The following CYTH3 variants were observed in gnomAD, a reference collection of about 807,000 sequenced individuals.
CYTH3 encodes the protein cytohesin-3.
CYTH3 carries 23 observed loss-of-function variants against 55.1 expected under a neutral mutation model. That is an observed-to-expected ratio of 0.42 (90% CI 0.30 to 0.59). The LOEUF (loss-of-function observed/expected upper bound fraction) is 0.59. Ranked by LOEUF, CYTH3 falls within the 20% of genes least tolerant of loss-of-function variation. The probability of loss-of-function intolerance (pLI) is 0.20; values close to 1 mark genes in which losing one functional copy is unlikely to be tolerated. For synonymous variants in CYTH3, 249 were observed against 194.9 expected, an observed-to-expected ratio of 1.28 and a Z score of -2.31; for missense variants, 413 against 524.8, an observed-to-expected ratio of 0.79 and a Z score of 2.08.
At chr7:6,173,096 A>G in intron 6 of CYTH3, 1 of 1,019,698 alleles carries the variant, frequency 9.8e-7, no homozygotes, top group Non-Finnish European at 1.2e-6. Flanking sequence ...CAAGGCCCAG[A>G]ACAGATGAAG....
At chr7:6,230,792 T>C (rs569812832) in intron 1 of CYTH3, among the ~76,000 whole-genome samples, 3 of 152,276 alleles carry the variant, frequency 2.0e-5, no homozygotes, top group South Asian at 2.1e-4. Context: ...GTACATAAAA[T>C]CCCGTATTTT....
intron 9 of CYTH3, among the ~76,000 whole-genome samples, chr7:6,168,270 A>C (rs962309312): frequency 6.7e-6 from 1 of 150,244 alleles, no homozygotes; most frequent in African/African-American, 2.5e-5. Context: ...CGAAGTCTTA[A>C]GTTACCAACA....
At chr7:6,203,332 A>G (rs1351277849) in intron 1 of CYTH3, among the ~76,000 whole-genome samples, 1 of 152,230 alleles carries the variant, frequency 6.6e-6, no homozygotes, top group Non-Finnish European at 1.5e-5. Flanking sequence ...ACATTTACAT[A>G]TCATTGCCTC....
chr7:6,172,874 G>A, intron 6 of CYTH3: 1 of 1,256,486 alleles, frequency 8.0e-7, no homozygotes, highest in Non-Finnish European at 1.0e-6. Flanking sequence ...CATCACGAGG[G>A]TCCCACAAAA....
chr7:6,227,760 G>A (rs993906024), intron 1 of CYTH3, among the ~76,000 whole-genome samples: 1 of 152,230 alleles, frequency 6.6e-6, no homozygotes, highest in Non-Finnish European at 1.5e-5. Flanking sequence ...CTCTGTGCAT[G>A]TTCCAGGCCA....
intron 1 of CYTH3, among the ~76,000 whole-genome samples, chr7:6,200,696 G>C (rs183083955): frequency 6.2e-4 from 95 of 152,296 alleles, no homozygotes; most frequent in African/African-American, 2.2e-3. Context: ...ACTCTACATG[G>C]AGCCGTGGTT....
chr7:6,241,330 C>A (rs796970543), intron 1 of CYTH3, among the ~76,000 whole-genome samples: 9 of 152,250 alleles, frequency 5.9e-5, no homozygotes, highest in African/African-American at 2.2e-4. Context: ...GATAAATGGG[C>A]ATATAACCAG....
chr7:6,258,891 T>C (rs769555945), intron 1 of CYTH3, among the ~76,000 whole-genome samples: 3 of 152,216 alleles, frequency 2.0e-5, no homozygotes, highest in Non-Finnish European at 4.4e-5. Flanking sequence ...AAATTGTGGT[T>C]TTACAGAATC....
chr7:6,189,259 T>C (rs1476486783), intron 2 of CYTH3, among the ~76,000 whole-genome samples: 2 of 152,140 alleles, frequency 1.3e-5, no homozygotes, highest in African/African-American at 2.4e-5. Flanking sequence ...CTGAGTAAAG[T>C]ACACAAGTGT....
chr7:6,198,281 C>T (rs747558233), intron 1 of CYTH3, among the ~76,000 whole-genome samples: 66 of 152,156 alleles, frequency 4.3e-4, no homozygotes, highest in Non-Finnish European at 8.2e-4. Context: ...CCAGTCTCTG[C>T]GGAGCTTCTA....
chr7:6,234,359 GA>G (rs779038527), intron 1 of CYTH3, among the ~76,000 whole-genome samples: 6 of 152,192 alleles, frequency 3.9e-5, no homozygotes, highest in Non-Finnish European at 5.9e-5. Context: ...GCCTTCCCAA[GA>G]ATTGAAAACT....
At chr7:6,215,318 C>A (rs541098318) in intron 1 of CYTH3, among the ~76,000 whole-genome samples, 3 of 152,122 alleles carry the variant, frequency 2.0e-5, no homozygotes, top group African/African-American at 7.2e-5. Context: ...AGGCCAGGTG[C>A]GGTGGCTCAC....
chr7:6,246,673 C>T (rs1779827533), intron 1 of CYTH3, among the ~76,000 whole-genome samples: 1 of 149,726 alleles, frequency 6.7e-6, no homozygotes, highest in Non-Finnish European at 1.5e-5. Flanking sequence ...ACAGTCCCTG[C>T]CCCACCCCCA....
chr7:6,179,674 C>G (rs1783433157), intron 4 of CYTH3, among the ~76,000 whole-genome samples: 1 of 102,858 alleles, frequency 9.7e-6, no homozygotes, highest in Non-Finnish European at 1.9e-5. Context: ...CCCACACACA[C>G]ACCACACACA....
chr7:6,165,222 C>T lies in CYTH3; in HGVS notation c.1127+51G>A, dbSNP rs1319562424. 3 of 1,581,072 alleles carry T rather than the reference C, an allele frequency of 1.9e-6. No individual in the cohort carries two copies. In the South Asian group the frequency reaches 3.5e-5, roughly 18 times the overall value. On this transcript the variant is annotated intron_variant, in intron 12 of 12. Transcript: ENST00000350796. The stretch of plus-strand genomic sequence containing the variant: ...CATGTTCCAGACCATCCCCCGCCCT[C>T]CAACCGGCACGAGAAGACGGGCCTG...
At chr7:6,181,635 G>A (rs923404431) in intron 4 of CYTH3, among the ~76,000 whole-genome samples, 2 of 151,978 alleles carry the variant, frequency 1.3e-5, no homozygotes, top group African/African-American at 4.8e-5. Flanking sequence ...CATTTGGTGG[G>A]GCCTTTGAAT....
intron 1 of CYTH3, among the ~76,000 whole-genome samples, chr7:6,226,181 G>A (rs1562398026): frequency 6.6e-6 from 1 of 152,140 alleles, no homozygotes. Flanking sequence ...TTTTAAAACT[G>A]AAGGGCTCTG....
chr7:6,242,679 C>T (rs1315234335), intron 1 of CYTH3, among the ~76,000 whole-genome samples: 1 of 152,042 alleles, frequency 6.6e-6, no homozygotes, highest in Non-Finnish European at 1.5e-5. Context: ...TCTTAAGGGA[C>T]TCTATGTAGG....
chr7:6,215,278 C>T (rs929505200), intron 1 of CYTH3, among the ~76,000 whole-genome samples: 7 of 152,132 alleles, frequency 4.6e-5, no homozygotes, highest in Admixed American at 4.6e-4. Flanking sequence ...CCAAAACGTA[C>T]AGATAATTTC....
Sources: allele counts gnomAD v4.1 joint callset (sites outside exome capture counted in the v4.1 genomes callset), GRCh38; gene constraint gnomAD v4.1.1; transcripts MANE v1.5; gene names NCBI Gene and HGNC (gene_info 2026-07-23, HGNC 2026-07-21).